Variants in NFIA observed in about 807,000 individuals in gnomAD.
NFIA encodes nuclear factor 1 A-type.
A neutral mutation model predicts 62.8 loss-of-function variants in NFIA; 8 were observed. The observed-to-expected ratio is 0.13, with a 90% confidence interval of 0.07 to 0.23. The LOEUF (loss-of-function observed/expected upper bound fraction) is 0.23, where lower values mean the gene tolerates loss of function less well. Among genes scored for constraint, NFIA ranks in the 10% least tolerant of loss-of-function variants. The probability of loss-of-function intolerance (pLI) is 1.00; values close to 1 mark genes in which losing one functional copy is unlikely to be tolerated. For missense variants in NFIA, 410 were observed against 642.1 expected (o/e 0.64, Z 3.91); for synonymous variants, 235 against 238.1 (o/e 0.99, Z 0.12).
chr1:61,333,409 G>A (rs1013115220), intron 4 of NFIA, among the ~76,000 whole-genome samples: 1 of 152,090 alleles, frequency 6.6e-6, no homozygotes, highest in Non-Finnish European at 1.5e-5. Flanking sequence ...CCATCTCAGG[G>A]CATGACGTCA....
intron 10 of NFIA, 49 bp from the exon 11 acceptor site, chr1:61,455,254 C>T (rs1024732776): frequency 9.3e-6 from 15 of 1,604,324 alleles, no homozygotes; most frequent in Middle Eastern, 1.7e-4. Context: ...CTAAAACACA[C>T]GTTTTTACAA....
intron 9 of NFIA, among the ~76,000 whole-genome samples, chr1:61,416,817 A>G (rs1477009672): frequency 1.3e-5 from 2 of 152,108 alleles, no homozygotes; most frequent in African/African-American, 4.8e-5. Context: ...AGTCTGCTGG[A>G]CTCCAAAGCC....
intron 2 of NFIA, among the ~76,000 whole-genome samples, chr1:61,251,952 C>T (rs1231786926): frequency 6.6e-6 from 1 of 152,094 alleles, no homozygotes; most frequent in East Asian, 1.9e-4. Flanking sequence ...GGTATCAATT[C>T]AGTTACCATT....
intron 2 of NFIA, among the ~76,000 whole-genome samples, chr1:61,102,813 A>G (rs888720634): frequency 6.6e-6 from 1 of 152,184 alleles, no homozygotes; most frequent in African/African-American, 2.4e-5. Context: ...TAAATTTGGA[A>G]TTAATCTCCA....
At chr1:61,282,974 T>G (rs1286539410) in intron 3 of NFIA, among the ~76,000 whole-genome samples, 2 of 152,186 alleles carry the variant, frequency 1.3e-5, no homozygotes, top group African/African-American at 4.8e-5. Flanking sequence ...GTCTTTGCAA[T>G]CAGTGGAAGC....
chr1:61,303,743 T>C (rs1659608998), intron 3 of NFIA, among the ~76,000 whole-genome samples: 1 of 152,242 alleles, frequency 6.6e-6, no homozygotes, highest in Non-Finnish European at 1.5e-5. Context: ...TTCAGAAGTT[T>C]GCATTCCTAA....
upstream of NFIA, chr1:61,082,057 G>A: frequency 6.5e-7 from 1 of 1,546,020 alleles, no homozygotes; most frequent in African/African-American, 1.4e-5. Context: ...GGTCCGCGGA[G>A]GTCTGCAGCG....
At chr1:61,234,323 TGCCATTGC>T (rs1305060673) in intron 2 of NFIA, among the ~76,000 whole-genome samples, 2 of 133,742 alleles carry the variant, frequency 1.5e-5, no homozygotes, top group Non-Finnish European at 3.1e-5. Flanking sequence ...ACCGAGATCG[TGCCATTGC>T]GCCCCAGCCT....
chr1:61,434,464 A>G (rs989379923), intron 10 of NFIA, among the ~76,000 whole-genome samples: 11 of 152,188 alleles, frequency 7.2e-5, no homozygotes, highest in African/African-American at 1.9e-4. Flanking sequence ...CTGACAGGCT[A>G]TGAGACACTC....
chr1:61,203,164 G>A (rs1465977961), intron 2 of NFIA, among the ~76,000 whole-genome samples: 2 of 151,996 alleles, frequency 1.3e-5, no homozygotes, highest in Non-Finnish European at 2.9e-5. Context: ...TCCGAGTCCC[G>A]TTGGTGTCTA....
At chr1:61,248,144 C>T (rs900663749) in intron 2 of NFIA, among the ~76,000 whole-genome samples, 4 of 152,130 alleles carry the variant, frequency 2.6e-5, no homozygotes, top group Non-Finnish European at 2.9e-5. Flanking sequence ...AATAAAGGTC[C>T]TCAACTAGCT....
intron 2 of NFIA, among the ~76,000 whole-genome samples, chr1:61,156,298 CT>C (rs1648815245): frequency 6.6e-6 from 1 of 152,234 alleles, no homozygotes; most frequent in African/African-American, 2.4e-5. Flanking sequence ...TTCATAATGG[CT>C]TTTTAATTTG....
intron 3 of NFIA, among the ~76,000 whole-genome samples, chr1:61,325,417 T>C (rs971997077): frequency 6.6e-6 from 1 of 152,232 alleles, no homozygotes; most frequent in Non-Finnish European, 1.5e-5. Context: ...ACTTTTTCCA[T>C]CATTTCTTAG....
intron 2 of NFIA, among the ~76,000 whole-genome samples, chr1:61,135,838 C>T (rs557845749): frequency 1.3e-5 from 2 of 152,154 alleles, no homozygotes; most frequent in Admixed American, 6.5e-5. Flanking sequence ...AAGACAGTTT[C>T]GTCTATGTGC....
chr1:61,336,536 T>C (rs1222921184), intron 4 of NFIA, among the ~76,000 whole-genome samples: 1 of 152,198 alleles, frequency 6.6e-6, no homozygotes, highest in Non-Finnish European at 1.5e-5. Flanking sequence ...ATAATTAAAG[T>C]CCACAGTTTA....
chr1:61,114,284 C>G (rs1570181471), intron 2 of NFIA, among the ~76,000 whole-genome samples: 2 of 152,062 alleles, frequency 1.3e-5, no homozygotes, highest in South Asian at 2.1e-4. Flanking sequence ...AAAAAATGAA[C>G]ATTCTAGCCT....
At chr1:61,127,285 A>T (rs1646992709) in intron 2 of NFIA, among the ~76,000 whole-genome samples, 2 of 151,586 alleles carry the variant, frequency 1.3e-5, no homozygotes, top group African/African-American at 4.8e-5. Flanking sequence ...GTGAAACCCC[A>T]TCTCTACTAA....
chr1:61,416,961 T>C (rs192173439), intron 9 of NFIA, among the ~76,000 whole-genome samples: 5 of 152,064 alleles, frequency 3.3e-5, no homozygotes, highest in Non-Finnish European at 5.9e-5. Flanking sequence ...CCTGGGTACA[T>C]TGAAATAGAT....
intron 2 of NFIA, among the ~76,000 whole-genome samples, chr1:61,121,905 T>A (rs1262746597): frequency 6.6e-6 from 1 of 152,280 alleles, no homozygotes; most frequent in East Asian, 1.9e-4. Context: ...TAGGAAGATA[T>A]GTAGGTGGAA....
Sources: gnomAD v4.1 joint callset for allele counts (sites outside exome capture counted in the v4.1 genomes callset) on GRCh38, gnomAD v4.1.1 for gene constraint, MANE v1.5 for transcripts, NCBI Gene and HGNC (gene_info 2026-07-23, HGNC 2026-07-21) for gene names.